The following NBEA variants were observed in gnomAD, a reference collection of about 807,000 sequenced individuals.
The protein encoded by NBEA is neurobeachin.
NBEA carries 44 observed loss-of-function variants against 343.4 expected under a neutral mutation model. That is an observed-to-expected ratio of 0.13 (90% CI 0.10 to 0.16). The LOEUF (loss-of-function observed/expected upper bound fraction) is 0.16. NBEA is among the 10% of genes least tolerant of loss of function. The pLI, the probability that NBEA is intolerant of heterozygous loss-of-function variation, is 1.00. For synonymous variants in NBEA, 1,175 were observed against 1,238.7 expected (o/e 0.95, Z 1.08); for missense variants, 2,555 against 3,631.3 (o/e 0.70, Z 7.62).
At chr13:35,623,841 A>G (rs2083104516) in intron 48 of NBEA, among the ~76,000 whole-genome samples, 1 of 152,102 alleles carries the variant, frequency 6.6e-6, no homozygotes, top group African/African-American at 2.4e-5. Context: ...ATTCTACCAA[A>G]TTTTCAACAG....
At chr13:35,044,208 A>G (rs2062760588) in intron 2 of NBEA, among the ~76,000 whole-genome samples, 1 of 152,156 alleles carries the variant, frequency 6.6e-6, no homozygotes. Flanking sequence ...ACTAGTGTGT[A>G]AGAGTGAGGG....
At chr13:35,650,627 G>A (rs1224659201) in intron 52 of NBEA, among the ~76,000 whole-genome samples, 6 of 152,240 alleles carry the variant, frequency 3.9e-5, no homozygotes, top group Non-Finnish European at 7.4e-5. Flanking sequence ...GCTTGAACCC[G>A]GGCAGCAGAG....
intron 34 of NBEA, among the ~76,000 whole-genome samples, chr13:35,233,842 C>T (rs1356154415): frequency 6.6e-6 from 1 of 151,982 alleles, no homozygotes; most frequent in Non-Finnish European, 1.5e-5. Flanking sequence ...ATAAATACAA[C>T]ACAGAGAATT....
intron 38 of NBEA, among the ~76,000 whole-genome samples, chr13:35,413,114 A>G (rs1441871889): frequency 6.6e-6 from 1 of 152,106 alleles, no homozygotes; most frequent in African/African-American, 2.4e-5. Flanking sequence ...TTGTCTGGAA[A>G]TGTCTCACTT....
intron 40 of NBEA, among the ~76,000 whole-genome samples, chr13:35,468,540 A>G (rs1034239233): frequency 1.3e-5 from 2 of 152,148 alleles, no homozygotes; most frequent in Non-Finnish European, 2.9e-5. Flanking sequence ...CTGATGCCTG[A>G]CAGAGCCCAA....
At chr13:35,564,079 A>G (rs1337113551) in intron 44 of NBEA, among the ~76,000 whole-genome samples, 1 of 152,006 alleles carries the variant, frequency 6.6e-6, no homozygotes, top group African/African-American at 2.4e-5. Flanking sequence ...TTAGAAAATC[A>G]TTTCTATTAA....
intron 44 of NBEA, among the ~76,000 whole-genome samples, chr13:35,561,364 C>G (rs906590204): frequency 2.6e-5 from 4 of 152,074 alleles, no homozygotes; most frequent in Non-Finnish European, 5.9e-5. Context: ...GAATTGGAAT[C>G]TGGTTGACAA....
rs1286894346 is a variant in NBEA, at chr13:35,173,701, A to G, written c.4554+107A>G. ...TATTGCTCAGTGATAGAGAGCAAGGACATTGTCATTAGGCAGCTCTAGGCT... is the reference window on the plus strand; with the variant it reads ...TATTGCTCAGTGATAGAGAGCAAGGGCATTGTCATTAGGCAGCTCTAGGCT... On this transcript the variant is annotated intron_variant, in intron 27 of 58. Transcript: ENST00000379939. 2.8e-6 allele frequency: 3 copies of G among 1,081,120 alleles called. No homozygotes were observed. In the Admixed American group the frequency reaches 8.3e-5, roughly 30 times the overall value. 67.0% of individuals were successfully genotyped at this position (1,081,120 alleles called of 1,614,324 possible).
intron 36 of NBEA, among the ~76,000 whole-genome samples, chr13:35,338,722 T>C (rs1490327641): frequency 3.3e-5 from 5 of 152,176 alleles, no homozygotes; most frequent in African/African-American, 4.8e-5. Context: ...ACAAATCTTA[T>C]GACTATGGAT....
intron 1 of NBEA, among the ~76,000 whole-genome samples, chr13:34,964,921 G>T (rs765619805): frequency 6.6e-6 from 1 of 151,990 alleles, no homozygotes; most frequent in Admixed American, 6.6e-5. Context: ...CCATAGCGGT[G>T]CCTAGAGTAG....
At chr13:35,047,642 G>A (rs1279493728) in intron 4 of NBEA, among the ~76,000 whole-genome samples, 4 of 151,774 alleles carry the variant, frequency 2.6e-5, no homozygotes, top group African/African-American at 7.2e-5. Context: ...ATGTGGGGTT[G>A]GGTAGTAGAG....
chr13:35,082,794 G>A lies in NBEA; in HGVS notation c.1571+11942G>A, dbSNP rs531893288. On this transcript the variant is annotated intron_variant, in intron 10 of 58. Transcript: ENST00000379939. Reference sequence around the variant, plus strand: ...GTTTTTTTCTTGTAAATTTGTTTGAGTTCATTGTAGATTCTGGACATTAGC... The same window carrying A: ...GTTTTTTTCTTGTAAATTTGTTTGAATTCATTGTAGATTCTGGACATTAGC... Among the ~76,000 whole-genome samples the A allele has an allele frequency of 2.0e-5, 3 of 152,210 alleles. No homozygotes were observed. In the South Asian group the frequency reaches 6.2e-4, roughly 32 times the overall value.
intron 38 of NBEA, among the ~76,000 whole-genome samples, chr13:35,380,578 G>A (rs576087724): frequency 6.6e-6 from 1 of 152,186 alleles, no homozygotes; most frequent in Admixed American, 6.5e-5. Flanking sequence ...TTTAAAATTT[G>A]ACTATGAACT....
chr13:35,190,734 G>T (rs2072122884), intron 30 of NBEA, among the ~76,000 whole-genome samples: 1 of 152,076 alleles, frequency 6.6e-6, no homozygotes, highest in Non-Finnish European at 1.5e-5. Context: ...TATGAGACAA[G>T]CAAAGAAATA....
intron 1 of NBEA, among the ~76,000 whole-genome samples, chr13:34,962,993 C>G (rs867928398): frequency 1.3e-4 from 20 of 151,990 alleles, no homozygotes; most frequent in Non-Finnish European, 2.9e-5. Context: ...GATGTGGAAA[C>G]CTAGGCACAG....
intron 41 of NBEA, among the ~76,000 whole-genome samples, chr13:35,487,951 C>T (rs1294278989): frequency 6.6e-6 from 1 of 151,714 alleles, no homozygotes; most frequent in Non-Finnish European, 1.5e-5. Flanking sequence ...AGAATAATAG[C>T]GAAACATGGG....
chr13:35,450,411 T>A (rs1436649138), intron 39 of NBEA, among the ~76,000 whole-genome samples: 1 of 152,098 alleles, frequency 6.6e-6, no homozygotes, highest in African/African-American at 2.4e-5. Context: ...TGCTTGAGCC[T>A]GGGAGGTCGA....
intron 35 of NBEA, among the ~76,000 whole-genome samples, chr13:35,298,457 G>A (rs916433489): frequency 6.6e-6 from 1 of 151,190 alleles, no homozygotes; most frequent in African/African-American, 2.4e-5. Context: ...GATCATTTGT[G>A]AATAAAATAT....
chr13:35,256,817 C>T (rs535637544), intron 34 of NBEA, among the ~76,000 whole-genome samples: 2 of 152,304 alleles, frequency 1.3e-5, no homozygotes, highest in Admixed American at 1.3e-4. Flanking sequence ...TAGGGGGAGC[C>T]CAGGCAGCGG....
Sources: gnomAD v4.1 joint callset for allele counts (sites outside exome capture counted in the v4.1 genomes callset) on GRCh38, gnomAD v4.1.1 for gene constraint, MANE v1.5 for transcripts, NCBI Gene and HGNC (gene_info 2026-07-23, HGNC 2026-07-21) for gene names.